The following LCN15 variants were observed in gnomAD, a reference collection of about 807,000 sequenced individuals.
LCN15 encodes the protein lipocalin 15.
In LCN15, 26 loss-of-function variants were observed where a neutral mutation model predicts 23.1. The ratio of observed to expected loss-of-function variants is 1.13; its 90% CI spans 0.82 to 1.56. The LOEUF (loss-of-function observed/expected upper bound fraction) is 1.56. Among genes scored for constraint, LCN15 ranks in the 40% most tolerant of loss-of-function variants. LCN15 has a pLI of 0.00. For missense variants in LCN15, 241 were observed against 239.5 expected, an observed-to-expected ratio of 1.01 and a Z score of -0.04; for synonymous variants, 107 against 98.3, an observed-to-expected ratio of 1.09 and a Z score of -0.52.
Position 136,763,632 on chromosome 9 carries a change from GC to G in LCN15, c.307+80del, listed in dbSNP as rs1458515700. 5.3e-6 allele frequency: 8 copies of G among 1,503,148 alleles called. No individual in the cohort carries two copies. The East Asian group carries it at 1.6e-4, about 31-fold the overall frequency. The allele number at this position is 1,503,148 out of a possible 1,614,324, so 93.1% of individuals were successfully genotyped here. A position where few individuals can be genotyped will look rare whatever the true frequency, so the allele number is the denominator to read the frequency against. On this transcript the variant is annotated intron_variant, in intron 3 of 6. Coordinates refer to ENST00000316144, the MANE Select transcript of LCN15 (RefSeq NM_203347.2). The stretch of plus-strand genomic sequence containing the variant: ...CTGGAGACTGGGATGGACAGCTTGG[GC>G]CCGGGTGGAAAGTCAGCCCCACGTC...
rs749184035 is a variant in LCN15, at chr9:136,763,998, G to T, written c.108C>A (p.Leu36=). ...PDFNAEKFSG[L]WYVVSMASDC... The stretch of plus-strand genomic sequence containing the variant: ...CAGATGCCATGGAGACCACGTACCA[G>T]AGGCCTGAGAACTGCCGGGGGCTTA... The change falls in exon 2 of 7, where the codon CTC becomes CTA. Residue 36 remains leucine, a synonymous_variant. Coordinates refer to ENST00000316144, the MANE Select transcript of LCN15 (RefSeq NM_203347.2). 1 of 1,613,034 alleles carries T rather than the reference G, an allele frequency of 6.2e-7. No homozygotes were observed. The highest frequency in any genetic ancestry group is 1.7e-5 in the Admixed American group (1 of 60,022).
rs976147231 is a variant in LCN15, at chr9:136,762,091, C to T, written c.520+97G>A. 23 of 851,626 alleles carry T rather than the reference C, an allele frequency of 2.7e-5. 1 individual carries two copies. In the Admixed American group the frequency reaches 3.9e-4, roughly 15 times the overall value. 52.8% of individuals were successfully genotyped at this position (851,626 alleles called of 1,614,324 possible). On this transcript the variant is annotated intron_variant, in intron 5 of 6. Transcript: ENST00000316144. ...CTGGAAGAGAAGACCACCTGCTGCC[C>T]GCACACTGCCTGTGCTGTGAGGGGA...
rs1847351558 is a variant in LCN15, at chr9:136,763,925, T to A, written c.181A>T (p.Arg61Trp). ...CCCTCCTCTGTGGGCCTGATGGCCC[T>A]GGTGGACATGGACAGGTGGTCCTTC... is the stretch of plus-strand genomic sequence containing the variant. ...GKKDHLSMST[R>W]AIRPTEEGGL... The change falls in exon 2 of 7, where the codon AGG (arginine) becomes TGG (tryptophan). Residue 61 changes from arginine (R) to tryptophan (W), a missense_variant. By Grantham distance (101) the Arg-to-Trp change is moderately radical. Transcript: ENST00000316144. 2 of 1,613,540 alleles carry A rather than the reference T, an allele frequency of 1.2e-6. No homozygotes were observed. The highest frequency in any genetic ancestry group is 1.7e-6 in the Non-Finnish European group (2 of 1,179,976).
rs1588313177 is a variant in LCN15, at chr9:136,761,677, C to T, written c.*32+110G>A. ...TAAGCTGAGGCCTGAAGCATGGGGT[C>T]GCCAGGCAGAACAGCGGGGCAGGCA... On this transcript the variant is annotated intron_variant, in intron 6 of 6. Transcript: ENST00000316144. The surrounding 1 kb of genome is among the most constrained non-coding windows in gnomAD (Gnocchi z 4.2). The T allele has an allele frequency of 2.2e-6, 1 of 461,150 alleles. No individual in the cohort carries two copies. The highest frequency in any genetic ancestry group is 3.6e-6 in the Non-Finnish European group (1 of 280,846). The allele number at this position is 461,150 out of a possible 1,614,324, so 28.6% of individuals were successfully genotyped here. A position where few individuals can be genotyped will look rare whatever the true frequency, so the allele number is the denominator to read the frequency against.
intron 1 of LCN15, 101 bp downstream of exon 1, chr9:136,764,292 C>G (rs771807838): frequency 1.6e-6 from 2 of 1,236,260 alleles, no homozygotes; most frequent in Non-Finnish European, 2.3e-6. Context: ...TGGCCGGGCA[C>G]AGAGCAAGCG....
intron 3 of LCN15, 38 bp downstream of exon 3, chr9:136,763,675 C>T: frequency 1.2e-6 from 2 of 1,604,998 alleles, no homozygotes; most frequent in Non-Finnish European, 1.7e-6. Flanking sequence ...AGAGAAGCGG[C>T]ATCCAGCACC....
In LCN15 at chr9:136,761,765, C is replaced by G; in HGVS notation, c.*32+22G>C. ...AGGGGAGAGGCAACCAGGGCATCCCCTGCAGGGCCTGGAGAACCCACCTGG... is the reference window on the plus strand; with the variant it reads ...AGGGGAGAGGCAACCAGGGCATCCCGTGCAGGGCCTGGAGAACCCACCTGG... On this transcript the variant is annotated intron_variant, in intron 6 of 6. Transcript: ENST00000316144. This position sits in a 1 kb window ranked among gnomAD's most constrained non-coding sequence, Gnocchi z 4.2. 8.2e-7 allele frequency: 1 copy of G among 1,214,710 alleles called. No homozygotes were observed. The highest frequency in any genetic ancestry group is 1.0e-6 in the Non-Finnish European group (1 of 962,762). The allele number at this position is 1,214,710 out of a possible 1,614,324, so 75.2% of individuals were successfully genotyped here. A position where few individuals can be genotyped will look rare whatever the true frequency, so the allele number is the denominator to read the frequency against.
intron 4 of LCN15, among the ~76,000 whole-genome samples, chr9:136,763,137 C>T (rs1488953505): frequency 2.0e-5 from 3 of 151,372 alleles, no homozygotes; most frequent in Non-Finnish European, 4.4e-5. Context: ...CGAAGGGTCA[C>T]AGCAGGAGAG....
rs750493816 is a variant in LCN15, at chr9:136,762,297, G to A, written c.419-8C>T. The A allele has an allele frequency of 1.4e-5, 21 of 1,512,114 alleles. No individual in the cohort carries two copies. The highest frequency in any genetic ancestry group is 1.1e-4 in the Admixed American group (6 of 56,368). The allele number at this position is 1,512,114 out of a possible 1,614,324, so 93.7% of individuals were successfully genotyped here. On this transcript the variant is annotated splice_polypyrimidine_tract_variant and splice_region_variant and intron_variant, in intron 4 of 6. Coordinates refer to ENST00000316144, the MANE Select transcript of LCN15 (RefSeq NM_203347.2). ...TCACATCCTGGGTCCGGCCTGGGCA[G>A]AGCAGAGGTCACTGTGAACTCAGCA... is the stretch of plus-strand genomic sequence containing the variant.
Position 136,761,886 on chromosome 9 carries a change from C to T in LCN15, c.521-33G>A, listed in dbSNP as rs1213145975. ...GAGGAAGACATCCGTGAGATGCTGA[C>T]GGCCAGGACCGCCCTCGCTTCCCGC... On this transcript the variant is annotated intron_variant, in intron 5 of 6. Transcript: ENST00000316144. The surrounding 1 kb of genome is among the most constrained non-coding windows in gnomAD (Gnocchi z 4.2). The T allele has an allele frequency of 2.7e-5, 36 of 1,326,852 alleles. No individual in the cohort carries two copies. The highest frequency in any genetic ancestry group is 3.4e-5 in the Non-Finnish European group (35 of 1,037,150). 82.2% of individuals were successfully genotyped at this position (1,326,852 alleles called of 1,614,324 possible).
Position 136,763,405 on chromosome 9 carries a change from T to C in LCN15, c.370A>G (p.Ile124Val), listed in dbSNP as rs753070923. The C allele has an allele frequency of 6.2e-7, 1 of 1,609,066 alleles. No individual in the cohort carries two copies. The highest frequency in any genetic ancestry group is 1.7e-5 in the Admixed American group (1 of 59,688). ...AGGGCCCCCTCCAGCTCCTTGTAGA[T>C]GTAAAGGACGGCGAAGGAGCTGTAG... ...TDYSSFAVLY[I>V]YKELEGALST... Residue 124 changes from isoleucine to valine, a missense_variant, in exon 4 of 7, where the codon ATC becomes GTC. Physicochemically the swap from Ile to Val is conservative, Grantham distance 29 (BLOSUM62 3). Coordinates refer to ENST00000316144, the MANE Select transcript of LCN15 (RefSeq NM_203347.2).
chr9:136,761,811 C>G lies in LCN15; in HGVS notation c.*8G>C, dbSNP rs757016017. ...CCTGGGAAGGGCGGGGGTGGGGCTC[C>G]GGAGGTGTCAGGGCGCCTCCTTGCT... is the stretch of plus-strand genomic sequence containing the variant. On this transcript the variant is annotated 3_prime_UTR_variant, in exon 6 of 7. Coordinates refer to ENST00000316144, the MANE Select transcript of LCN15 (RefSeq NM_203347.2). This position sits in a 1 kb window ranked among gnomAD's most constrained non-coding sequence, Gnocchi z 4.2. 3.1e-6 allele frequency: 4 copies of G among 1,289,372 alleles called. No homozygotes were observed. The East Asian group carries it at 1.2e-4, about 38-fold the overall frequency. The allele number at this position is 1,289,372 out of a possible 1,614,324, so 79.9% of individuals were successfully genotyped here. A position where few individuals can be genotyped will look rare whatever the true frequency, so the allele number is the denominator to read the frequency against.
intron 6 of LCN15, among the ~76,000 whole-genome samples, chr9:136,760,388 G>A (rs1212619636): frequency 2.6e-5 from 4 of 152,198 alleles, no homozygotes; most frequent in African/African-American, 9.7e-5. Flanking sequence ...CGAGTCTCCA[G>A]GGAGAGGGTC....
rs576031669 is a variant in LCN15 at position 136,761,749 on chromosome 9, G to A, written c.*32+38C>T. 3.8e-6 allele frequency: 4 copies of A among 1,061,378 alleles called. No individual in the cohort carries two copies. Among genetic ancestry groups the A allele is most frequent in the South Asian group, 4.4e-5 (1 of 22,478 alleles). The allele number at this position is 1,061,378 out of a possible 1,614,324, so 65.7% of individuals were successfully genotyped here. Reference sequence around the variant, plus strand: ...TCAAGCTGCGATAGGGAGGGGAGAGGCAACCAGGGCATCCCCTGCAGGGCC... The same window carrying A: ...TCAAGCTGCGATAGGGAGGGGAGAGACAACCAGGGCATCCCCTGCAGGGCC... On this transcript the variant is annotated intron_variant, in intron 6 of 6. Transcript: ENST00000316144. The surrounding 1 kb of genome is among the most constrained non-coding windows in gnomAD (Gnocchi z 4.2).
At position 136,759,733 on chromosome 9, in the gene LCN15, G is replaced by A. The variant is rs1198443479; in HGVS notation, c.*83C>T. ...GGAGAGACTCCAGGTGGTCCCCGAGGGCTGTGGGTCTTGACTCCAGGGGCA... is the reference window on the plus strand; with the variant it reads ...GGAGAGACTCCAGGTGGTCCCCGAGAGCTGTGGGTCTTGACTCCAGGGGCA... On this transcript the variant is annotated 3_prime_UTR_variant, in exon 7 of 7. Transcript: ENST00000316144. 1 of 152,232 alleles carries A rather than the reference G, an allele frequency of 6.6e-6. No homozygotes were observed. Among genetic ancestry groups the A allele is most frequent in the African/African-American group, 2.4e-5 (1 of 41,420 alleles). The allele number at this position is 152,232 out of a possible 1,614,324, so 9.4% of individuals were successfully genotyped here.
At position 136,761,433 on chromosome 9, in the gene LCN15, G is replaced by A. The variant is rs1405900442; in HGVS notation, c.*32+354C>T. On this transcript the variant is annotated intron_variant, in intron 6 of 6. Coordinates refer to ENST00000316144, the MANE Select transcript of LCN15 (RefSeq NM_203347.2). This position sits in a 1 kb window ranked among gnomAD's most constrained non-coding sequence, Gnocchi z 4.2. Reference sequence around the variant, plus strand: ...GCACCACCACGCCCAGCTAAGTTTTGTATTTTTAGTAGAGACGGGGTTTCT... The same window carrying A: ...GCACCACCACGCCCAGCTAAGTTTTATATTTTTAGTAGAGACGGGGTTTCT... Among the ~76,000 whole-genome samples the A allele has an allele frequency of 6.6e-6, 1 of 152,104 alleles. No individual in the cohort carries two copies. The highest frequency in any genetic ancestry group is 1.5e-5 in the Non-Finnish European group (1 of 68,006).
At position 136,761,777 on chromosome 9, in the gene LCN15, G is replaced by A. The variant is rs765791238; in HGVS notation, c.*32+10C>T. 8.0e-5 allele frequency: 100 copies of A among 1,257,312 alleles called. No individual in the cohort carries two copies. The highest frequency in any genetic ancestry group is 9.5e-5 in the Non-Finnish European group (95 of 998,246). 77.9% of individuals were successfully genotyped at this position (1,257,312 alleles called of 1,614,324 possible). A position where few individuals can be genotyped will look rare whatever the true frequency, so the allele number is the denominator to read the frequency against. On this transcript the variant is annotated intron_variant, in intron 6 of 6. Transcript: ENST00000316144. The surrounding 1 kb of genome is among the most constrained non-coding windows in gnomAD (Gnocchi z 4.2). ...ACCAGGGCATCCCCTGCAGGGCCTG[G>A]AGAACCCACCTGGGAAGGGCGGGGG... is the stretch of plus-strand genomic sequence containing the variant.
chr9:136,760,168 G>A (rs1238850718), intron 6 of LCN15, among the ~76,000 whole-genome samples: 2 of 152,222 alleles, frequency 1.3e-5, no homozygotes, highest in Non-Finnish European at 2.9e-5. Flanking sequence ...CCACGGTCAC[G>A]CGTGGTGGCC....
At chr9:136,763,675 C>A in intron 3 of LCN15, 38 bp downstream of exon 3, 2 of 1,604,998 alleles carry the variant, frequency 1.2e-6, no homozygotes, top group Non-Finnish European at 1.7e-6. Flanking sequence ...AGAGAAGCGG[C>A]ATCCAGCACC....
Sources: allele counts gnomAD v4.1 joint callset (sites outside exome capture counted in the v4.1 genomes callset), GRCh38; gene constraint gnomAD v4.1.1; non-coding constraint Gnocchi (gnomAD v3.1); transcripts MANE v1.5; gene names NCBI Gene and HGNC (gene_info 2026-07-23, HGNC 2026-07-21).